Variants in CNTLN observed in about 807,000 individuals in gnomAD.
CNTLN encodes the protein centlein, centrosomal protein.
A neutral mutation model predicts 180.0 loss-of-function variants in CNTLN; 212 were observed. The ratio of observed to expected loss-of-function variants is 1.18; its 90% CI spans 1.05 to 1.32. The LOEUF (loss-of-function observed/expected upper bound fraction) is 1.32, where lower values mean the gene tolerates loss of function less well. Among genes scored for constraint, CNTLN ranks in the 40% most tolerant of loss-of-function variants. The probability of loss-of-function intolerance (pLI) is 0.00; values close to 1 mark genes in which losing one functional copy is unlikely to be tolerated. For missense variants in CNTLN, 2,095 were observed against 1,610.9 expected (o/e 1.30, Z -5.14); for synonymous variants, 722 against 563.1 (o/e 1.28, Z -3.99).
chr9:17,484,510 G>C (rs759759818), intron 24 of CNTLN, 30 bp downstream of exon 24: 1 of 1,531,892 alleles, frequency 6.5e-7, no homozygotes, highest in South Asian at 1.2e-5. Flanking sequence ...TATTATTAAA[G>C]GGTTTATTAT....
intron 7 of CNTLN, chr9:17,301,715 A>G (rs10963018): frequency 0.25 from 236,524 of 944,354 alleles, 30,136 homozygotes; most frequent in South Asian, 0.35. Context: ...TATTCTTCTT[A>G]TTTATTTATT....
the CNTLN span, among the ~76,000 whole-genome samples, chr9:17,525,274 G>A: frequency 6.6e-6 from 1 of 152,020 alleles, no homozygotes; most frequent in East Asian, 1.9e-4. Context: ...TTGAGGTACT[G>A]CAGGAATATT....
intron 5 of CNTLN, among the ~76,000 whole-genome samples, chr9:17,257,435 A>G (rs976446148): frequency 5.3e-5 from 8 of 152,116 alleles, no homozygotes; most frequent in African/African-American, 1.2e-4. Flanking sequence ...CGCAGTAAAC[A>G]TAGGTGTGCA....
chr9:17,493,995 T>A (rs1325970768), intron 25 of CNTLN, among the ~76,000 whole-genome samples: 6 of 152,186 alleles, frequency 3.9e-5, no homozygotes, highest in African/African-American at 1.4e-4. Flanking sequence ...TAATTCAATA[T>A]CTTCAACTAT....
chr9:17,358,379 A>G (rs1823019214), intron 12 of CNTLN, among the ~76,000 whole-genome samples: 1 of 152,126 alleles, frequency 6.6e-6, no homozygotes, highest in South Asian at 2.1e-4. Flanking sequence ...CAGTATATAT[A>G]CTATGATATA....
intron 12 of CNTLN, among the ~76,000 whole-genome samples, chr9:17,361,248 T>C (rs558873225): frequency 6.6e-6 from 1 of 152,308 alleles, no homozygotes; most frequent in Non-Finnish European, 1.5e-5. Context: ...TGTGTGATGT[T>C]CCCCTTCCTG....
At chr9:17,182,931 G>A (rs117358426) in intron 2 of CNTLN, among the ~76,000 whole-genome samples, 2,438 of 152,302 alleles carry the variant, frequency 0.016, 37 homozygotes, top group Middle Eastern at 0.041. Flanking sequence ...ATTCTAGTGC[G>A]TGCAAAATTG....
At chr9:17,261,077 T>C (rs1826935058) in intron 5 of CNTLN, among the ~76,000 whole-genome samples, 1 of 151,562 alleles carries the variant, frequency 6.6e-6, no homozygotes, top group South Asian at 2.1e-4. Context: ...TTGGTTACTG[T>C]AGCCCTGTAG....
At chr9:17,239,695 G>C (rs1369225901) in intron 5 of CNTLN, among the ~76,000 whole-genome samples, 1 of 152,106 alleles carries the variant, frequency 6.6e-6, no homozygotes, top group South Asian at 2.1e-4. Context: ...GTGTTATTTA[G>C]TTGTTTCAGC....
intron 15 of CNTLN, among the ~76,000 whole-genome samples, chr9:17,405,485 C>G (rs1692570262): frequency 6.6e-6 from 1 of 151,746 alleles, no homozygotes; most frequent in Admixed American, 6.6e-5. Flanking sequence ...CCTGATAGAG[C>G]AAGAGGGGGC....
chr9:17,165,250 A>G (rs1267164539), intron 2 of CNTLN, among the ~76,000 whole-genome samples: 1 of 152,216 alleles, frequency 6.6e-6, no homozygotes, highest in Non-Finnish European at 1.5e-5. Context: ...ATTTGAAACT[A>G]TGACAGTAGG....
At chr9:17,237,458 T>A (rs1264881174) in intron 5 of CNTLN, among the ~76,000 whole-genome samples, 2 of 146,982 alleles carry the variant, frequency 1.4e-5, no homozygotes, top group Admixed American at 6.8e-5. Flanking sequence ...AGGTTCTGTA[T>A]CAGTGGATCA....
intron 18 of CNTLN, among the ~76,000 whole-genome samples, chr9:17,422,705 G>A (rs1345102350): frequency 6.6e-6 from 1 of 152,060 alleles, no homozygotes; most frequent in Non-Finnish European, 1.5e-5. Flanking sequence ...CCCTGGGATT[G>A]GTTACTGGTG....
chr9:17,158,656 G>A (rs1052597308), intron 2 of CNTLN, among the ~76,000 whole-genome samples: 2 of 151,664 alleles, frequency 1.3e-5, no homozygotes, highest in Admixed American at 1.3e-4. Context: ...TAATTTGCTG[G>A]GTATAGTTGT....
intron 2 of CNTLN, among the ~76,000 whole-genome samples, chr9:17,175,949 C>T (rs1021417582): frequency 1.3e-5 from 2 of 152,080 alleles, no homozygotes; most frequent in Non-Finnish European, 2.9e-5. Context: ...TTTCCGTGTG[C>T]ACTTATTATT....
intron 6 of CNTLN, among the ~76,000 whole-genome samples, chr9:17,279,848 T>A (rs1828555990): frequency 6.6e-6 from 1 of 152,222 alleles, no homozygotes; most frequent in African/African-American, 2.4e-5. Flanking sequence ...CCTTCATGAA[T>A]GAATTAATCC....
intron 18 of CNTLN, among the ~76,000 whole-genome samples, chr9:17,420,898 T>C (rs974355953): frequency 6.6e-6 from 1 of 152,224 alleles, no homozygotes; most frequent in Non-Finnish European, 1.5e-5. Flanking sequence ...GATTTCTACT[T>C]TAATTCCATT....
At chr9:17,517,029 G>T in the CNTLN span, among the ~76,000 whole-genome samples, 1 of 149,148 alleles carries the variant, frequency 6.7e-6, no homozygotes, top group Non-Finnish European at 1.5e-5. Context: ...GGGATCAAAA[G>T]GTATCTTGAG....
intron 2 of CNTLN, among the ~76,000 whole-genome samples, chr9:17,155,503 T>G (rs762885454): frequency 1.2e-4 from 18 of 152,198 alleles, no homozygotes; most frequent in Non-Finnish European, 2.1e-4. Flanking sequence ...ACAGCAGTTT[T>G]GCTGAGCTGC....
Sources: gnomAD v4.1 joint callset for allele counts (sites outside exome capture counted in the v4.1 genomes callset) on GRCh38, gnomAD v4.1.1 for gene constraint, MANE v1.5 for transcripts, NCBI Gene and HGNC (gene_info 2026-07-23, HGNC 2026-07-21) for gene names.